Variants in MYOM2 observed in about 807,000 individuals in gnomAD.
MYOM2 encodes the protein myomesin 2, also known as myomesin-2.
MYOM2 carries 254 observed loss-of-function variants against 187.6 expected under a neutral mutation model. That is an observed-to-expected ratio of 1.35 (90% CI 1.22 to 1.50). MYOM2 has a LOEUF of 1.50. Ranked by LOEUF, MYOM2 falls within the 40% of genes most tolerant of loss-of-function variation. MYOM2 has a pLI of 0.00. For missense variants in MYOM2, 2,796 were observed against 1,924.0 expected (o/e 1.45, Z -8.48); for synonymous variants, 981 against 753.8 (o/e 1.30, Z -4.94).
chr8:2,064,379 C>G (rs897475269), intron 6 of MYOM2, among the ~76,000 whole-genome samples: 1 of 152,200 alleles, frequency 6.6e-6, no homozygotes, highest in Non-Finnish European at 1.5e-5. Context: ...CTAACTTACC[C>G]GTGCCCACCG....
Position 2,073,463 on chromosome 8 carries a change from C to T in MYOM2, c.1083C>T (p.Gly361=), listed in dbSNP as rs369466586. 1.2e-4 allele frequency: 198 copies of T among 1,609,202 alleles called. 1 individual carries two copies. The highest frequency in any genetic ancestry group is 2.4e-4 in the South Asian group (22 of 90,848). ...GLYTLRIVSR[G]GVSDHSAFLF... is the part of the protein sequence containing the mutation. ...ACACCCTGCGCATCGTGTCTCGGGGCGGCGTCAGCGACCACAGCGCCTTCC... is the reference window on the plus strand; with the variant it reads ...ACACCCTGCGCATCGTGTCTCGGGGTGGCGTCAGCGACCACAGCGCCTTCC... The change falls in exon 10 of 37, where the codon GGC becomes GGT. Residue 361 remains glycine, a synonymous_variant. Coordinates refer to ENST00000262113, the MANE Select transcript of MYOM2 (RefSeq NM_003970.4).
At chr8:2,047,587 C>T (rs1818350762) in intron 1 of MYOM2, among the ~76,000 whole-genome samples, 1 of 152,194 alleles carries the variant, frequency 6.6e-6, no homozygotes, top group African/African-American at 2.4e-5. Context: ...GCAAGTGACC[C>T]CATACTTGTG....
chr8:2,085,468 G>GCTGTTGTGATCTCCGCGTGGCCCCTCA (rs1819794299), intron 14 of MYOM2, 78 bp downstream of exon 14: 4 of 1,416,058 alleles, frequency 2.8e-6, no homozygotes, highest in East Asian at 5.1e-5. Context: ...GTGGCCCACC[G>GCTGTTGTGATCTCCGCGTGGCCCCTCA]CTGTCGTGAT....
intron 6 of MYOM2, among the ~76,000 whole-genome samples, chr8:2,066,785 T>C (rs925127141): frequency 2.0e-5 from 3 of 152,202 alleles, no homozygotes; most frequent in Non-Finnish European, 4.4e-5. Flanking sequence ...CCTCTACTTA[T>C]GGGGTTTTTA....
chr8:2,078,901 C>T lies in MYOM2; in HGVS notation c.1430C>T (p.Ala477Val), dbSNP rs1423724605. Residue 477 changes from alanine to valine, a missense_variant, in exon 12 of 37, where the codon GCA becomes GTA. Ala to Val is a moderately conservative substitution (Grantham distance 64). Coordinates refer to ENST00000262113, the MANE Select transcript of MYOM2 (RefSeq NM_003970.4). Reference protein sequence around the residue: ...RPSRVSDAVAALDPLDLRRLQ... With the variant: ...RPSRVSDAVAVLDPLDLRRLQ... ...TCCAGGGTCTCTGATGCGGTGGCTGCACTTGACCCCTTGGACCTCAGAAGG... is the reference window on the plus strand; with the variant it reads ...TCCAGGGTCTCTGATGCGGTGGCTGTACTTGACCCCTTGGACCTCAGAAGG... 6.2e-7 allele frequency: 1 copy of T among 1,613,992 alleles called. No individual in the cohort carries two copies. The highest frequency in any genetic ancestry group is 2.2e-5 in the East Asian group (1 of 44,874).
intron 30 of MYOM2, 148 bp downstream of exon 30, chr8:2,123,790 C>G: frequency 1.4e-6 from 1 of 692,048 alleles, no homozygotes; most frequent in Non-Finnish European, 2.4e-6. Context: ...ACTATTTGTT[C>G]TTTGGTTGCT....
intron 3 of MYOM2, among the ~76,000 whole-genome samples, chr8:2,055,303 C>T (rs558136404): frequency 7.2e-5 from 11 of 152,186 alleles, no homozygotes; most frequent in Admixed American, 4.6e-4. Flanking sequence ...AGGATGAGGA[C>T]GTATGAAAGA....
intron 25 of MYOM2, among the ~76,000 whole-genome samples, chr8:2,113,201 C>T (rs1460292094): frequency 6.6e-6 from 1 of 152,208 alleles, no homozygotes; most frequent in Admixed American, 6.5e-5. Flanking sequence ...CCGCGCTGGA[C>T]ATTGGATTCC....
intron 32 of MYOM2, among the ~76,000 whole-genome samples, chr8:2,133,767 T>G (rs1485323646): frequency 6.8e-6 from 1 of 147,328 alleles, no homozygotes; most frequent in Admixed American, 6.8e-5. Context: ...GGTCTGTCAG[T>G]CATTGATCTC....
chr8:2,054,100 C>T (rs751936075), intron 3 of MYOM2, among the ~76,000 whole-genome samples: 11 of 152,276 alleles, frequency 7.2e-5, no homozygotes, highest in East Asian at 1.9e-4. Flanking sequence ...ACCACTCTCA[C>T]GGGCTGCAAG....
chr8:2,079,680 A>C, intron 13 of MYOM2, 67 bp downstream of exon 13: 2 of 1,509,288 alleles, frequency 1.3e-6, no homozygotes, highest in Middle Eastern at 1.7e-4. Context: ...TAGAGATGGG[A>C]GAGATGGACA....
chr8:2,089,382 C>T (rs181090431), intron 14 of MYOM2, among the ~76,000 whole-genome samples: 2,469 of 152,282 alleles, frequency 0.016, 38 homozygotes, highest in Middle Eastern at 0.048. Flanking sequence ...TATTTATAGT[C>T]TTTTTCTCCA....
rs561214251 is a variant in MYOM2 at position 2,073,402 on chromosome 8, C to T, written c.1022C>T (p.Ser341Phe). Residue 341 changes from serine (S) to phenylalanine (F), a missense_variant, in exon 10 of 37, where the codon TCC (serine) becomes TTC (phenylalanine). Coordinates refer to ENST00000262113, the MANE Select transcript of MYOM2 (RefSeq NM_003970.4). ...TTTGGAGAAGGCCAGGCCTCCCTGTCCTTCAGCCACCTGCACAAGGACGAC... is the reference window on the plus strand; with the variant it reads ...TTTGGAGAAGGCCAGGCCTCCCTGTTCTTCAGCCACCTGCACAAGGACGAC... The part of the protein sequence containing the change: ...MFFGEGQASL[S>F]FSHLHKDDEG... 5.6e-6 allele frequency: 9 copies of T among 1,613,440 alleles called. No individual in the cohort carries two copies. The South Asian group carries it at 7.7e-5, about 14-fold the overall frequency.
At chr8:2,055,296 A>T (rs538183816) in intron 3 of MYOM2, among the ~76,000 whole-genome samples, 2 of 152,242 alleles carry the variant, frequency 1.3e-5, no homozygotes, top group East Asian at 3.9e-4. Context: ...CAGGAGGAGG[A>T]TGAGGACGTA....
chr8:2,114,544 G>A (rs567497616), intron 25 of MYOM2, among the ~76,000 whole-genome samples: 6 of 152,194 alleles, frequency 3.9e-5, no homozygotes, highest in South Asian at 4.2e-4. Context: ...CTGTGATCTC[G>A]GTTCACTGCA....
chr8:2,133,799 A>G (rs76815117), intron 32 of MYOM2, among the ~76,000 whole-genome samples: 19,826 of 152,068 alleles, frequency 0.13, 2,186 homozygotes, highest in African/African-American at 0.28. Context: ...TTAGATTTTT[A>G]CACTTGTGTT....
chr8:2,126,077 T>G (rs1208382766), intron 31 of MYOM2, among the ~76,000 whole-genome samples: 3 of 152,184 alleles, frequency 2.0e-5, no homozygotes, highest in Admixed American at 6.5e-5. Flanking sequence ...GGGCCACTCA[T>G]GGATAATAGA....
At chr8:2,046,729 T>C (rs73657715) in intron 1 of MYOM2, among the ~76,000 whole-genome samples, 2,543 of 148,880 alleles carry the variant, frequency 0.017, 72 homozygotes, top group African/African-American at 0.059. Context: ...AGCTGCTTTC[T>C]TTCTCTCTCT....
chr8:2,093,882 A>G, intron 16 of MYOM2, 88 bp from the exon 17 acceptor site: 1 of 1,522,592 alleles, frequency 6.6e-7, no homozygotes. Context: ...AAAATTTTTT[A>G]TGGCGCGTTC....
Sources: gnomAD v4.1 joint callset for allele counts (sites outside exome capture counted in the v4.1 genomes callset) on GRCh38, gnomAD v4.1.1 for gene constraint, MANE v1.5 for transcripts, NCBI Gene and HGNC (gene_info 2026-07-23, HGNC 2026-07-21) for gene names.